RPGRIP1: variants seen among roughly 807,000 people sequenced by gnomAD.
RPGRIP1 encodes the protein X-linked retinitis pigmentosa GTPase regulator-interacting protein 1.
A neutral mutation model predicts 157.9 loss-of-function variants in RPGRIP1; 128 were observed. The ratio of observed to expected loss-of-function variants is 0.81; its 90% CI spans 0.70 to 0.94. The LOEUF (loss-of-function observed/expected upper bound fraction) is 0.94, where lower values mean the gene tolerates loss of function less well. Ranked by LOEUF, RPGRIP1 falls within the 40% of genes least tolerant of loss-of-function variation. RPGRIP1 has a pLI of 0.00. For missense variants in RPGRIP1, 1,486 were observed against 1,545.8 expected (o/e 0.96, Z 0.65); for synonymous variants, 554 against 571.6 (o/e 0.97, Z 0.44).
intron 17 of RPGRIP1, among the ~76,000 whole-genome samples, chr14:21,326,749 C>A (rs1883157453): frequency 6.6e-6 from 1 of 152,134 alleles, no homozygotes; most frequent in South Asian, 2.1e-4. Flanking sequence ...TGCATGACTA[C>A]ATAGATATCT....
chr14:21,300,021 C>T (rs370665869), intron 3 of RPGRIP1, among the ~76,000 whole-genome samples: 3 of 152,150 alleles, frequency 2.0e-5, no homozygotes, highest in Non-Finnish European at 2.9e-5. Flanking sequence ...AAAGGCCGGG[C>T]GCGGTGGCTC....
At position 21,300,986 on chromosome 14, in the gene RPGRIP1, G is replaced by T. The variant is rs1032395476; in HGVS notation, c.239G>T (p.Arg80Leu). The T allele has an allele frequency of 6.2e-7, 1 of 1,612,920 alleles. No homozygotes were observed. Among genetic ancestry groups the T allele is most frequent in the Non-Finnish European group, 8.5e-7 (1 of 1,179,436 alleles). The stretch of plus-strand genomic sequence containing the variant: ...CACAGGCTGAGGACCACCTTGCTGC[G>T]GTTGACCGCTGCTGGCCGGGACCTG... The part of the protein sequence containing the change: ...EIKRLRTTLL[R>L]LTAAGRDLRV... The change falls in exon 4 of 25, where the codon CGG becomes CTG. Residue 80 changes from arginine to leucine, a missense_variant. Coordinates refer to ENST00000400017, the MANE Select transcript of RPGRIP1 (RefSeq NM_020366.4).
At chr14:21,348,412 G>A in intron 24 of RPGRIP1, 110 bp downstream of exon 24, 1 of 866,942 alleles carries the variant, frequency 1.2e-6, no homozygotes. Flanking sequence ...AAGACACAAA[G>A]TGGATTGAAA....
At chr14:21,285,084 CTA>C (rs1475581194) in intron 1 of RPGRIP1, among the ~76,000 whole-genome samples, 1 of 151,844 alleles carries the variant, frequency 6.6e-6, no homozygotes. Flanking sequence ...TTCAAAGTCA[CTA>C]TGTTTTAGTG....
At chr14:21,331,024 C>T (rs1169533003) in intron 20 of RPGRIP1, among the ~76,000 whole-genome samples, 6 of 151,842 alleles carry the variant, frequency 4.0e-5, no homozygotes, top group Non-Finnish European at 8.8e-5. Context: ...ATTCTCCTGC[C>T]TCAGCCTCCC....
chr14:21,281,269 G>A (rs905405600), intron 1 of RPGRIP1, among the ~76,000 whole-genome samples: 7 of 152,002 alleles, frequency 4.6e-5, no homozygotes, highest in South Asian at 2.1e-4. Context: ...TGATCTGCCC[G>A]CCTTGGCCTC....
Position 21,320,145 on chromosome 14 carries a change from C to T in RPGRIP1, c.1435C>T (p.Pro479Ser). 1 of 1,613,906 alleles carries T rather than the reference C, an allele frequency of 6.2e-7. No individual in the cohort carries two copies. The highest frequency in any genetic ancestry group is 8.5e-7 in the Non-Finnish European group (1 of 1,179,862). ...CAGGCAATCTGAACCAGCCACTCAC[C>T]CAGCTGTATTGCAAGAGAACACTCA... is the stretch of plus-strand genomic sequence containing the variant. ...PDRQSEPATH[P>S]AVLQENTQIE... The change falls in exon 12 of 25, where the codon CCA (proline) becomes TCA (serine). Residue 479 changes from proline to serine, a missense_variant. Pro to Ser is a moderately conservative substitution (Grantham distance 74, BLOSUM62 -1). Coordinates refer to ENST00000400017, the MANE Select transcript of RPGRIP1 (RefSeq NM_020366.4).
Position 21,343,116 on chromosome 14 carries a change from A to G in RPGRIP1, c.3420A>G (p.Lys1140=). 1 of 1,613,518 alleles carries G rather than the reference A, an allele frequency of 6.2e-7. No individual in the cohort carries two copies. The highest frequency in any genetic ancestry group is 8.5e-7 in the Non-Finnish European group (1 of 1,179,494). Reference sequence around the variant, plus strand: ...AAGTGATGTCTGATGAGAACATAAAACAGGTGTATGTGGAGTACAAATTCT... The same window carrying G: ...AAGTGATGTCTGATGAGAACATAAAGCAGGTGTATGTGGAGTACAAATTCT... The part of the protein sequence containing the change: ...EAEVMSDENI[K]QVYVEYKFYD... The change falls in exon 22 of 25, where the codon AAA becomes AAG. Residue 1140 remains lysine, a synonymous_variant. Transcript: ENST00000400017.
intron 14 of RPGRIP1, among the ~76,000 whole-genome samples, chr14:21,322,991 T>C (rs1273240208): frequency 6.6e-6 from 1 of 152,184 alleles, no homozygotes; most frequent in Admixed American, 6.5e-5. Flanking sequence ...GAAGCTGATA[T>C]TTAAACCCAA....
Position 21,297,838 on chromosome 14 carries a change from TTTC to T in RPGRIP1, c.218+3032_218+3034del, listed in dbSNP as rs1566670108. On this transcript the variant is annotated intron_variant, in intron 3 of 24. Transcript: ENST00000400017. The stretch of plus-strand genomic sequence containing the variant: ...GTTTCGGTATCTCAATAAATTATTC[TTTC>T]TTTCTTTCTTTCTTTCTTTCTTTCT... Among the ~76,000 whole-genome samples, 232 of 144,788 alleles carry T rather than the reference TTTC, an allele frequency of 1.6e-3. 1 individual carries two copies. Among genetic ancestry groups the T allele is most frequent in the African/African-American group, 5.5e-3 (213 of 38,590 alleles). The allele number at this position is 144,788 out of a possible 152,430, so 95.0% of individuals were successfully genotyped here. A position where few individuals can be genotyped will look rare whatever the true frequency, so the allele number is the denominator to read the frequency against.
chr14:21,293,134 G>A (rs905043414), intron 2 of RPGRIP1, among the ~76,000 whole-genome samples: 1 of 152,138 alleles, frequency 6.6e-6, no homozygotes, highest in East Asian at 1.9e-4. Context: ...CAAAAAGAGC[G>A]AAACTCTGTC....
At chr14:21,328,752 G>C in intron 19 of RPGRIP1, 125 bp downstream of exon 19, 1 of 698,988 alleles carries the variant, frequency 1.4e-6, no homozygotes, top group Non-Finnish European at 2.4e-6. Flanking sequence ...GCCGGGCATG[G>C]TGGCTTCGGC....
intron 10 of RPGRIP1, among the ~76,000 whole-genome samples, chr14:21,315,794 A>G (rs1379101937): frequency 7.0e-6 from 1 of 143,782 alleles, no homozygotes; most frequent in Non-Finnish European, 1.5e-5. Flanking sequence ...GGTTATTATT[A>G]TTATTATTAT....
intron 20 of RPGRIP1, 52 bp downstream of exon 20, chr14:21,330,439 T>C (rs1883624954): frequency 4.0e-5 from 51 of 1,290,606 alleles, no homozygotes; most frequent in Non-Finnish European, 4.9e-5. Flanking sequence ...GAGGCCGAGG[T>C]GGGCAGATCA....
intron 21 of RPGRIP1, among the ~76,000 whole-genome samples, chr14:21,342,727 AT>A (rs918118730): frequency 6.6e-6 from 1 of 151,344 alleles, no homozygotes; most frequent in Non-Finnish European, 1.5e-5. Flanking sequence ...CGAATCAGAC[AT>A]TTTTTTTTAT....
intron 19 of RPGRIP1, among the ~76,000 whole-genome samples, chr14:21,329,690 C>T (rs1436982856): frequency 1.3e-4 from 19 of 150,924 alleles, no homozygotes; most frequent in African/African-American, 3.9e-4. Context: ...TTAGTAGAGA[C>T]GAGGTTTCAC....
In RPGRIP1 at chr14:21,324,955, G is replaced by T. The variant is rs369515171; in HGVS notation, c.2100G>T (p.Arg700=). 517 of 1,613,904 alleles carry T rather than the reference G, an allele frequency of 3.2e-4. 1 individual carries two copies. The highest frequency in any genetic ancestry group is 2.8e-4 in the Non-Finnish European group (334 of 1,179,902). Reference sequence around the variant, plus strand: ...ACTACCTTCAAGAGGCTTCAGCCCGGCTTGACATACACCAGGCCATGGCCA... The same window carrying T: ...ACTACCTTCAAGAGGCTTCAGCCCGTCTTGACATACACCAGGCCATGGCCA... ...FLHYLQEASA[R]LDIHQAMASE... Residue 700 remains arginine (R), a synonymous_variant, in exon 15 of 25, where the codon CGG becomes CGT. Transcript: ENST00000400017.
At chr14:21,349,536 G>A (rs1011745788) in intron 24 of RPGRIP1, among the ~76,000 whole-genome samples, 1 of 151,184 alleles carries the variant, frequency 6.6e-6, no homozygotes, top group Non-Finnish European at 1.5e-5. Context: ...CCTAGTAGCT[G>A]GGATTACAGG....
chr14:21,304,695 C>T (rs541362655), intron 6 of RPGRIP1, among the ~76,000 whole-genome samples: 8 of 152,288 alleles, frequency 5.3e-5, no homozygotes, highest in Non-Finnish European at 7.4e-5. Context: ...ATCAGCACCC[C>T]GTACCAGAGT....
Sources: allele counts gnomAD v4.1 joint callset (sites outside exome capture counted in the v4.1 genomes callset), GRCh38; gene constraint gnomAD v4.1.1; transcripts MANE v1.5; gene names NCBI Gene and HGNC (gene_info 2026-07-23, HGNC 2026-07-21).